The following VWA3B variants were observed in gnomAD, a reference collection of about 807,000 sequenced individuals.
VWA3B encodes the protein von Willebrand factor A domain-containing protein 3B.
A neutral mutation model predicts 158.3 loss-of-function variants in VWA3B; 138 were observed. The observed-to-expected ratio is 0.87, with a 90% CI of 0.76 to 1.00. The LOEUF (loss-of-function observed/expected upper bound fraction) is 1.00, where lower values mean the gene tolerates loss of function less well. VWA3B is among the 50% of genes least tolerant of loss of function. The pLI is 0.00. For synonymous variants in VWA3B, 596 were observed against 587.3 expected (o/e 1.01, Z -0.21); for missense variants, 1,555 against 1,565.1 (o/e 0.99, Z 0.11).
At chr2:98,202,542 T>A (rs1682641247) in intron 12 of VWA3B, among the ~76,000 whole-genome samples, 1 of 152,128 alleles carries the variant, frequency 6.6e-6, no homozygotes, top group Admixed American at 6.5e-5. Context: ...TCCTCCTACT[T>A]GCTTTGTTTT....
At chr2:98,142,709 T>C (rs867254446) in intron 7 of VWA3B, among the ~76,000 whole-genome samples, 2 of 152,308 alleles carry the variant, frequency 1.3e-5, no homozygotes, top group Middle Eastern at 3.4e-3. Flanking sequence ...TCTGTGGAGG[T>C]GGAGACCACT....
intron 6 of VWA3B, among the ~76,000 whole-genome samples, chr2:98,128,758 A>G (rs2105015980): frequency 6.6e-6 from 1 of 152,234 alleles, no homozygotes; most frequent in South Asian, 2.1e-4. Context: ...CTCACTTAGA[A>G]CCGCTGTTCT....
intron 19 of VWA3B, among the ~76,000 whole-genome samples, chr2:98,239,474 T>C (rs1010138712): frequency 1.3e-5 from 2 of 152,148 alleles, no homozygotes; most frequent in Admixed American, 1.3e-4. Context: ...CCCTCCCTTT[T>C]TTCTTTTACC....
At chr2:98,102,239 A>G (rs1299127729) in intron 2 of VWA3B, among the ~76,000 whole-genome samples, 5 of 152,238 alleles carry the variant, frequency 3.3e-5, no homozygotes, top group Non-Finnish European at 7.3e-5. Flanking sequence ...TTTTCTTAAT[A>G]CAGAACAAAA....
chr2:98,302,768 C>G (rs1280263802), intron 25 of VWA3B, among the ~76,000 whole-genome samples: 1 of 152,186 alleles, frequency 6.6e-6, no homozygotes, highest in African/African-American at 2.4e-5. Context: ...GCCCGGCTGC[C>G]TAGGATACAG....
intron 6 of VWA3B, among the ~76,000 whole-genome samples, chr2:98,129,224 A>AGAGAGAGTGTGTGTGTGT (rs1370543551): frequency 5.1e-4 from 63 of 124,648 alleles, no homozygotes; most frequent in African/African-American, 1.4e-3. Context: ...AGAGAGAGAG[A>AGAGAGAGTGTGTGTGTGT]GTGTGTGTGT....
At chr2:98,087,792 C>T (rs1681971472) in intron 1 of VWA3B, among the ~76,000 whole-genome samples, 1 of 152,186 alleles carries the variant, frequency 6.6e-6, no homozygotes, top group South Asian at 2.1e-4. Flanking sequence ...CAAAGCAACA[C>T]TTACATGGTT....
intron 26 of VWA3B, among the ~76,000 whole-genome samples, chr2:98,304,844 C>A (rs1294077241): frequency 6.6e-6 from 1 of 152,116 alleles, no homozygotes; most frequent in African/African-American, 2.4e-5. Context: ...CACACACACT[C>A]CTAAATAAAT....
intron 3 of VWA3B, among the ~76,000 whole-genome samples, chr2:98,116,070 A>T (rs945643608): frequency 3.3e-5 from 5 of 152,258 alleles, no homozygotes; most frequent in African/African-American, 1.2e-4. Context: ...AACTGCCATT[A>T]TCTGAGAGAA....
chr2:98,271,016 G>A (rs1688170801), intron 22 of VWA3B, 133 bp downstream of exon 22: 2 of 850,420 alleles, frequency 2.4e-6, no homozygotes, highest in South Asian at 3.6e-5. Context: ...AGCCAATCCA[G>A]TTAAGGTCTC....
chr2:98,280,897 T>C (rs1688839889), intron 22 of VWA3B, among the ~76,000 whole-genome samples: 1 of 152,210 alleles, frequency 6.6e-6, no homozygotes, highest in African/African-American at 2.4e-5. Flanking sequence ...CCGTACTTGA[T>C]AGCAGCTCAC....
At chr2:98,292,515 C>T (rs753853065) in intron 23 of VWA3B, among the ~76,000 whole-genome samples, 101 of 152,186 alleles carry the variant, frequency 6.6e-4, no homozygotes, top group East Asian at 3.1e-3. Context: ...TAAGGCATGA[C>T]ACCCTTCTTT....
chr2:98,238,709 T>C (rs1307906538), intron 19 of VWA3B, among the ~76,000 whole-genome samples: 1 of 151,936 alleles, frequency 6.6e-6, no homozygotes, highest in East Asian at 1.9e-4. Flanking sequence ...TGAAGACAAA[T>C]CTCAGAAAAA....
Position 98,188,267 on chromosome 2 carries a change from G to A in VWA3B, c.1466+138G>A, listed in dbSNP as rs997709310. The A allele has an allele frequency of 3.4e-6, 4 of 1,167,712 alleles. No homozygotes were observed. The Admixed American group carries it at 1.1e-4, about 32-fold the overall frequency. 72.3% of individuals were successfully genotyped at this position (1,167,712 alleles called of 1,614,324 possible). ...TTTATGTGATACAGAGTGATATTTA[G>A]GTGTGTGTATACAATGTACAAAGAT... On this transcript the variant is annotated intron_variant, in intron 10 of 27. Coordinates refer to ENST00000477737, the MANE Select transcript of VWA3B (RefSeq NM_144992.5).
rs1301582332 is a variant in VWA3B at position 98,250,371 on chromosome 2, C to T, written c.2727C>T (p.Asn909=). The T allele has an allele frequency of 6.2e-7, 1 of 1,613,518 alleles. No homozygotes were observed. Among genetic ancestry groups the T allele is most frequent in the Admixed American group, 1.7e-5 (1 of 59,906 alleles). ...CNDTNKMTLI[N]PQGAKLNIYK... ...ACACAAATAAGATGACATTAATTAA[C>T]CCCCAAGGAGCCAAACTCAATATCT... Residue 909 remains asparagine (N), a synonymous_variant, in exon 20 of 28, where the codon AAC becomes AAT. Transcript: ENST00000477737.
intron 8 of VWA3B, among the ~76,000 whole-genome samples, chr2:98,169,540 G>A (rs1327940567): frequency 6.6e-6 from 1 of 152,074 alleles, no homozygotes; most frequent in Non-Finnish European, 1.5e-5. Flanking sequence ...CTAACCATAC[G>A]TATGTCAAAA....
chr2:98,168,341 A>G (rs997081510), intron 8 of VWA3B, among the ~76,000 whole-genome samples: 4 of 151,500 alleles, frequency 2.6e-5, no homozygotes, highest in Non-Finnish European at 2.9e-5. Flanking sequence ...ACAATTATGT[A>G]TCAGTTCCCT....
intron 14 of VWA3B, among the ~76,000 whole-genome samples, chr2:98,222,956 A>G (rs1684631749): frequency 6.6e-6 from 1 of 152,208 alleles, no homozygotes; most frequent in Admixed American, 6.5e-5. Flanking sequence ...ACAAAGAGCC[A>G]AGAAAGCCCC....
At chr2:98,166,249 A>T (rs182306170) in intron 8 of VWA3B, among the ~76,000 whole-genome samples, 4 of 152,316 alleles carry the variant, frequency 2.6e-5, no homozygotes, top group Admixed American at 2.6e-4. Flanking sequence ...AGACACCAGA[A>T]TCACTTGAAC....
Sources: allele counts gnomAD v4.1 joint callset (sites outside exome capture counted in the v4.1 genomes callset), GRCh38; gene constraint gnomAD v4.1.1; transcripts MANE v1.5; gene names NCBI Gene and HGNC (gene_info 2026-07-23, HGNC 2026-07-21).